Variants in GRAMD1A observed in about 807,000 individuals in gnomAD.
The protein encoded by GRAMD1A is protein Aster-A.
GRAMD1A carries 50 observed loss-of-function variants against 92.0 expected under a neutral mutation model. The observed-to-expected ratio is 0.54, with a 90% CI of 0.43 to 0.69. The LOEUF (loss-of-function observed/expected upper bound fraction) is 0.69, where lower values mean the gene tolerates loss of function less well. Ranked by LOEUF, GRAMD1A falls within the 30% of genes least tolerant of loss-of-function variation. The pLI is 0.00. For synonymous variants in GRAMD1A, 405 were observed against 403.6 expected, an observed-to-expected ratio of 1.00 and a Z score of -0.04; for missense variants, 819 against 978.9, an observed-to-expected ratio of 0.84 and a Z score of 2.18.
At position 35,022,093 on chromosome 19, in the gene GRAMD1A, T is replaced by C. The variant is rs2016104141; in HGVS notation, c.1841+55T>C. 3.3e-5 allele frequency: 45 copies of C among 1,349,394 alleles called. No individual in the cohort carries two copies. In the South Asian group the frequency reaches 5.1e-4, roughly 15 times the overall value. 83.6% of individuals were successfully genotyped at this position (1,349,394 alleles called of 1,614,324 possible). A position where few individuals can be genotyped will look rare whatever the true frequency, so the allele number is the denominator to read the frequency against. On this transcript the variant is annotated intron_variant, in intron 16 of 19. Transcript: ENST00000317991. Reference sequence around the variant, plus strand: ...CAGGCCTGAACCTGCCTCCTGGCTGTGTGACCTTGGGCAAGTGTGTGGCCT... The same window carrying C: ...CAGGCCTGAACCTGCCTCCTGGCTGCGTGACCTTGGGCAAGTGTGTGGCCT...
intron 10 of GRAMD1A, 187 bp from the exon 11 acceptor site, chr19:35,015,637 C>G: frequency 3.6e-6 from 2 of 550,468 alleles, no homozygotes; most frequent in South Asian, 2.4e-5. Context: ...TCTGTCTGGG[C>G]CTGGAGCACG....
chr19:34,996,955 G>A (rs2014061632), upstream of GRAMD1A, among the ~76,000 whole-genome samples: 1 of 151,926 alleles, frequency 6.6e-6, no homozygotes, highest in South Asian at 2.1e-4. Context: ...TTCTTTTTGA[G>A]ACAGCATCTC....
At chr19:35,008,653 C>T (rs192330036) in intron 1 of GRAMD1A, among the ~76,000 whole-genome samples, 57 of 152,200 alleles carry the variant, frequency 3.7e-4, no homozygotes, top group African/African-American at 1.3e-3. Flanking sequence ...ACCCCATCTA[C>T]TAAAAATATA....
rs1022238405 is a variant in GRAMD1A at position 35,013,405 on chromosome 19, G to A, written c.719+37G>A. ...GTCAAAGGAGGTTGAAGGGTTCGGG[G>A]GAGAACAGGACGGTCGGCGTGCAGA... is the stretch of plus-strand genomic sequence containing the variant. On this transcript the variant is annotated intron_variant, in intron 8 of 19. Transcript: ENST00000317991. The surrounding 1 kb of genome is among the most constrained non-coding windows in gnomAD (Gnocchi z 4.9). 101 of 1,506,496 alleles carry A rather than the reference G, an allele frequency of 6.7e-5. No individual in the cohort carries two copies. Among genetic ancestry groups the A allele is most frequent in the Non-Finnish European group, 9.0e-5 (99 of 1,095,396 alleles). 93.3% of individuals were successfully genotyped at this position (1,506,496 alleles called of 1,614,324 possible). A position where few individuals can be genotyped will look rare whatever the true frequency, so the allele number is the denominator to read the frequency against.
intron 16 of GRAMD1A, 52 bp downstream of exon 16, chr19:35,022,090 CTGTG>C: frequency 7.4e-7 from 1 of 1,357,334 alleles, no homozygotes; most frequent in Non-Finnish European, 1.0e-6. Flanking sequence ...TGCCTCCTGG[CTGTG>C]TGACCTTGGG....
At chr19:35,003,510 C>T (rs929181115) in intron 1 of GRAMD1A, among the ~76,000 whole-genome samples, 2 of 152,132 alleles carry the variant, frequency 1.3e-5, no homozygotes, top group Non-Finnish European at 2.9e-5. Context: ...AGCCCTGGAG[C>T]AAAAACTGGG....
At chr19:34,996,754 C>T (rs1042416725), upstream of GRAMD1A, among the ~76,000 whole-genome samples, 7 of 148,700 alleles carry the variant, frequency 4.7e-5, no homozygotes, top group Non-Finnish European at 8.9e-5. Flanking sequence ...TGCAGTGAGC[C>T]GAGATTGCGC....
rs1235956239 is a variant in GRAMD1A at position 35,026,191 on chromosome 19, A to C, written c.*50A>C. 2.0e-6 allele frequency: 2 copies of C among 978,168 alleles called. No homozygotes were observed. Among genetic ancestry groups the C allele is most frequent in the East Asian group, 4.8e-5 (2 of 41,548 alleles). The allele number at this position is 978,168 out of a possible 1,614,324, so 60.6% of individuals were successfully genotyped here. On this transcript the variant is annotated 3_prime_UTR_variant, in exon 20 of 20. Transcript: ENST00000317991. The stretch of plus-strand genomic sequence containing the variant: ...CCCACATGGACAGATGGACACACAG[A>C]GCCTCGGCGGCCACTGCTGGCACGG...
In GRAMD1A at chr19:35,011,864, G is replaced by A. The variant is rs78678456; in HGVS notation, c.606+310G>A. On this transcript the variant is annotated intron_variant, in intron 7 of 19. Transcript: ENST00000317991. ...GGCTGGGAGGTCATCACAGGATGCCGGCTATGGCTGGTCCACAGCACCTCA... is the reference window on the plus strand; with the variant it reads ...GGCTGGGAGGTCATCACAGGATGCCAGCTATGGCTGGTCCACAGCACCTCA... Among the ~76,000 whole-genome samples the A allele has an allele frequency of 3.2e-4, 48 of 152,314 alleles. No individual in the cohort carries two copies. In the East Asian group the frequency reaches 8.5e-3, roughly 27 times the overall value.
chr19:35,007,329 G>A (rs1311088297), intron 1 of GRAMD1A, among the ~76,000 whole-genome samples: 2 of 152,108 alleles, frequency 1.3e-5, no homozygotes, highest in East Asian at 1.9e-4. Context: ...CGAGGTGGGC[G>A]GATAACCTGA....
intron 3 of GRAMD1A, 126 bp from the exon 4 acceptor site, chr19:35,009,762 A>T (rs2015083468): frequency 4.2e-6 from 3 of 719,176 alleles, no homozygotes; most frequent in Non-Finnish European, 7.6e-6. Flanking sequence ...CATTGTGGCT[A>T]CTGGTGTGTT....
In GRAMD1A at chr19:35,019,196, A is replaced by G. The variant is rs1483724757; in HGVS notation, c.1219A>G (p.Thr407Ala). 1 of 1,605,342 alleles carries G rather than the reference A, an allele frequency of 6.2e-7. No individual in the cohort carries two copies. The stretch of plus-strand genomic sequence containing the variant: ...GCTGCTCCTCCCTCCTCTAGACGTG[A>G]CGCTGAGCCCCTGGAGTGGGGACAG... The part of the protein sequence containing the change: ...FLQQCKFTDV[T>A]LSPWSGDSKC... The change falls in exon 12 of 20, where the codon ACG (threonine) becomes GCG (alanine). Residue 407 changes from threonine to alanine, a missense_variant. Physicochemically the swap from Thr to Ala is moderately conservative, Grantham distance 58. Transcript: ENST00000317991.
chr19:35,023,371 G>A (rs760673500), intron 18 of GRAMD1A, 28 bp downstream of exon 18: 15 of 1,613,692 alleles, frequency 9.3e-6, no homozygotes, highest in Admixed American at 8.3e-5. Context: ...GGAAATGGGG[G>A]GGCTTGGGCA....
chr19:35,010,746 G>A, intron 6 of GRAMD1A: 1 of 523,356 alleles, frequency 1.9e-6, no homozygotes, highest in South Asian at 3.0e-5. Context: ...GGTCCAACAA[G>A]AAGGGGGACA....
intron 19 of GRAMD1A, chr19:35,024,826 T>A (rs1475733641): frequency 6.6e-6 from 1 of 152,344 alleles, no homozygotes; most frequent in Non-Finnish European, 1.5e-5. Flanking sequence ...TCTCATTCTG[T>A]TGCCCAGGCT....
intron 1 of GRAMD1A, among the ~76,000 whole-genome samples, chr19:35,007,603 A>T (rs2014918013): frequency 6.6e-6 from 1 of 152,054 alleles, no homozygotes; most frequent in African/African-American, 2.4e-5. Flanking sequence ...AGTGGCTCAC[A>T]CCTGTAATAC....
intron 6 of GRAMD1A, among the ~76,000 whole-genome samples, chr19:35,010,922 A>G (rs2015184882): frequency 6.6e-6 from 1 of 151,918 alleles, no homozygotes; most frequent in Admixed American, 6.6e-5. Context: ...CAACATAGTG[A>G]GACCCTGTCT....
intron 1 of GRAMD1A, among the ~76,000 whole-genome samples, chr19:35,004,129 T>C (rs1202943524): frequency 1.3e-5 from 2 of 152,106 alleles, no homozygotes; most frequent in Non-Finnish European, 2.9e-5. Context: ...TCAGGGAAGC[T>C]AAGGCTGGAG....
At chr19:35,018,343 TGA>T (rs897926238) in intron 11 of GRAMD1A, among the ~76,000 whole-genome samples, 2 of 152,046 alleles carry the variant, frequency 1.3e-5, no homozygotes, top group East Asian at 1.9e-4. Context: ...GGGGAGCAAG[TGA>T]GAGAGAGTGG....
Sources: gnomAD v4.1 joint callset for allele counts (sites outside exome capture counted in the v4.1 genomes callset) on GRCh38, gnomAD v4.1.1 for gene constraint, Gnocchi (gnomAD v3.1) non-coding constraint, MANE v1.5 for transcripts, NCBI Gene and HGNC (gene_info 2026-07-23, HGNC 2026-07-21) for gene names.